CHIT1: variants seen among roughly 807,000 people sequenced by gnomAD.
CHIT1 encodes chitinase 1, also known as chitotriosidase-1.
CHIT1 carries 47 observed loss-of-function variants against 52.0 expected under a neutral mutation model. The ratio of observed to expected loss-of-function variants is 0.90; its 90% CI spans 0.71 to 1.15. The LOEUF is 1.15. CHIT1 is among the 50% of genes most tolerant of loss of function. The pLI, the probability that CHIT1 is intolerant of heterozygous loss-of-function variation, is 0.00. For synonymous variants in CHIT1, 242 were observed against 228.2 expected (o/e 1.06, Z -0.54); for missense variants, 569 against 583.0 (o/e 0.98, Z 0.25).
At chr1:203,228,223 AAC>A (rs769754808) in intron 2 of CHIT1, among the ~76,000 whole-genome samples, 5 of 152,194 alleles carry the variant, frequency 3.3e-5, no homozygotes, top group Non-Finnish European at 4.4e-5. Flanking sequence ...TGTACTGTAA[AAC>A]ACACAGGTGC....
At chr1:203,224,152 T>C (rs1656842845) in intron 4 of CHIT1, among the ~76,000 whole-genome samples, 1 of 152,220 alleles carries the variant, frequency 6.6e-6, no homozygotes, top group African/African-American at 2.4e-5. Context: ...CCTGGCAGGT[T>C]AACCTGGTCA....
intron 2 of CHIT1, among the ~76,000 whole-genome samples, chr1:203,226,498 C>A (rs1243588357): frequency 2.0e-5 from 3 of 152,198 alleles, no homozygotes; most frequent in African/African-American, 7.2e-5. Flanking sequence ...AGAGAGGAGG[C>A]CCCAGTTACA....
At chr1:203,217,669 A>T in intron 10 of CHIT1, 70 bp downstream of exon 10, 1 of 1,611,070 alleles carries the variant, frequency 6.2e-7, no homozygotes, top group East Asian at 2.2e-5. Context: ...CCTACAGTTC[A>T]TTGGATGCAT....
intron 2 of CHIT1, among the ~76,000 whole-genome samples, chr1:203,228,323 G>T (rs1657000932): frequency 6.6e-6 from 1 of 152,256 alleles, no homozygotes; most frequent in Non-Finnish European, 1.5e-5. Context: ...TGGCCCCACA[G>T]ATGTGCAGGA....
At chr1:203,229,747 C>A, upstream of CHIT1, 8 of 1,236,928 alleles carry the variant, frequency 6.5e-6, no homozygotes, top group African/African-American at 1.5e-5. Context: ...CAATCAGGGG[C>A]ACTGGGTGGG....
At chr1:203,219,632 A>G in intron 8 of CHIT1, 32 bp downstream of exon 8, 1 of 1,612,342 alleles carries the variant, frequency 6.2e-7, no homozygotes. Context: ...CCTGACCCTC[A>G]CAATACCCAG....
chr1:203,219,631 C>T, intron 8 of CHIT1, 33 bp downstream of exon 8: 1 of 1,612,380 alleles, frequency 6.2e-7, no homozygotes, highest in Non-Finnish European at 8.5e-7. Flanking sequence ...CCCTGACCCT[C>T]ACAATACCCA....
upstream of CHIT1, chr1:203,229,719 C>T (rs1657065599): frequency 6.5e-7 from 1 of 1,549,878 alleles, no homozygotes; most frequent in East Asian, 2.3e-5. Context: ...CCCTGTCCCA[C>T]CCCAGCCAGG....
intron 4 of CHIT1, among the ~76,000 whole-genome samples, chr1:203,224,580 T>A (rs547185275): frequency 6.6e-6 from 1 of 152,244 alleles, no homozygotes; most frequent in South Asian, 2.1e-4. Context: ...ATAAATCATT[T>A]AAAAAATGTC....
At position 203,217,750 on chromosome 1, in the gene CHIT1, C is replaced by T. The variant is rs139939985; in HGVS notation, c.1145G>A (p.Arg382Gln). 190 of 1,613,888 alleles carry T rather than the reference C, an allele frequency of 1.2e-4. 1 individual carries two copies. Among genetic ancestry groups the T allele is most frequent in the Non-Finnish European group, 1.4e-4 (164 of 1,179,882 alleles). ...GGCCCCTTACTTACTCAGTTCCTGC[C>T]GTAGCGTCTGGATGAGGGGGTATCG... is the stretch of plus-strand genomic sequence containing the variant. ...QGRYPLIQTL[R>Q]QELSLPYLPS... Residue 382 changes from arginine (R) to glutamine (Q), a missense_variant, in exon 10 of 11, where the codon CGG becomes CAG. Transcript: ENST00000367229.
At chr1:203,217,335 T>C in intron 10 of CHIT1, 2 of 1,521,384 alleles carry the variant, frequency 1.3e-6, no homozygotes, top group Non-Finnish European at 1.8e-6. Context: ...AGGCAACACC[T>C]GGCCTCACAT....
chr1:203,224,708 T>C (rs1656861043), intron 4 of CHIT1, among the ~76,000 whole-genome samples: 1 of 152,208 alleles, frequency 6.6e-6, no homozygotes, highest in Admixed American at 6.5e-5. Context: ...TCAGAAAACA[T>C]AGACACTGCA....
chr1:203,221,724 G>T (rs1403369405), intron 7 of CHIT1, among the ~76,000 whole-genome samples: 1 of 152,194 alleles, frequency 6.6e-6, no homozygotes, highest in African/African-American at 2.4e-5. Flanking sequence ...AACCAAGCCT[G>T]CCCTTTGCAG....
chr1:203,217,767 G>C lies in CHIT1; in HGVS notation c.1128C>G (p.Pro376=), dbSNP rs770891150. ...AGFSCNQGRY[P]LIQTLRQELS... ...GTTCCTGCCGTAGCGTCTGGATGAG[G>C]GGGTATCGGCCCTGGTTGCAGGAGA... is the stretch of plus-strand genomic sequence containing the variant. Residue 376 remains proline, a synonymous_variant, in exon 10 of 11, where the codon CCC becomes CCG. Coordinates refer to ENST00000367229, the MANE Select transcript of CHIT1 (RefSeq NM_003465.3). 1.9e-6 allele frequency: 3 copies of C among 1,613,936 alleles called. No homozygotes were observed. The Admixed American group carries it at 5.0e-5, about 27-fold the overall frequency.
Position 203,225,802 on chromosome 1 carries a change from G to A in CHIT1, c.124C>T (p.Leu42=). 1 of 1,614,210 alleles carries A rather than the reference G, an allele frequency of 6.2e-7. No homozygotes were observed. Among genetic ancestry groups the A allele is most frequent in the Non-Finnish European group, 8.5e-7 (1 of 1,180,024 alleles). The change falls in exon 3 of 11, where the codon CTG becomes TTG. Residue 42 remains leucine (L), a synonymous_variant. Transcript: ENST00000367229. The part of the protein sequence containing the change: ...AQYRQGEARF[L]PKDLDPSLCT... Reference sequence around the variant, plus strand: ...AGGCTGGGGTCCAAGTCCTTGGGCAGGAAGCGAGCCTCCCCCTGTCTGTAC... The same window carrying A: ...AGGCTGGGGTCCAAGTCCTTGGGCAAGAAGCGAGCCTCCCCCTGTCTGTAC...
At position 203,219,225 on chromosome 1, in the gene CHIT1, G is replaced by A. The variant is rs1322263744; in HGVS notation, c.1020C>T (p.Phe340=). The A allele has an allele frequency of 1.9e-6, 3 of 1,591,454 alleles. No individual in the cohort carries two copies. The highest frequency in any genetic ancestry group is 2.2e-5 in the South Asian group (2 of 90,672). ...CAGAGCTGGGCCTCACCTTGGTTTT[G>A]AAGCTCTCCACATCATCAAAGCCCA... ...QWVGFDDVES[F]KTKVSYLKQK... The change falls in exon 9 of 11, where the codon TTC becomes TTT. Residue 340 remains phenylalanine, a synonymous_variant. Coordinates refer to ENST00000367229, the MANE Select transcript of CHIT1 (RefSeq NM_003465.3).
Position 203,216,600 on chromosome 1 carries a change from T to A in CHIT1, c.*289A>T. 1 of 508,642 alleles carries A rather than the reference T, an allele frequency of 2.0e-6. No homozygotes were observed. Among genetic ancestry groups the A allele is most frequent in the Non-Finnish European group, 3.8e-6 (1 of 263,082 alleles). The allele number at this position is 508,642 out of a possible 1,614,324, so 31.5% of individuals were successfully genotyped here. A position where few individuals can be genotyped will look rare whatever the true frequency, so the allele number is the denominator to read the frequency against. On this transcript the variant is annotated 3_prime_UTR_variant, in exon 11 of 11. Transcript: ENST00000367229. ...TGCACGGACCACCTTCCCACCTGGC[T>A]CTGACCTGCGGATGTTTTGGAGTCA...
Position 203,217,108 on chromosome 1 carries a change from G to T in CHIT1, c.1182C>A (p.Thr394=). Residue 394 remains threonine (T), a synonymous_variant, in exon 11 of 11, where the codon ACC becomes ACA. Coordinates refer to ENST00000367229, the MANE Select transcript of CHIT1 (RefSeq NM_003465.3). ...CTGGTTTTGGAACTTCAAGCTCTGG[G>T]GTGCCTGAAGGCAAGTATGGAAGAC... ...ELSLPYLPSG[T]PELEVPKPGQ... 1 of 1,608,712 alleles carries T rather than the reference G, an allele frequency of 6.2e-7. No homozygotes were observed. Among genetic ancestry groups the T allele is most frequent in the Non-Finnish European group, 8.5e-7 (1 of 1,180,004 alleles).
rs747474187 is a variant in CHIT1 at position 203,219,801 on chromosome 1, G to A, written c.778C>T (p.Leu260=). Residue 260 remains leucine, a synonymous_variant, in exon 8 of 11, where the codon CTG becomes TTG. Transcript: ENST00000367229. The part of the protein sequence containing the change: ...WLQKGTPASK[L]ILGMPTYGRS... ...CCGTAGGTAGGCATGCCAAGGATCA[G>A]CTTGCTGGCAGGGGTCCCCTTCTGC... 6.2e-7 allele frequency: 1 copy of A among 1,612,792 alleles called. No individual in the cohort carries two copies. The highest frequency in any genetic ancestry group is 1.1e-5 in the South Asian group (1 of 91,022).
Sources: allele counts gnomAD v4.1 joint callset (sites outside exome capture counted in the v4.1 genomes callset), GRCh38; gene constraint gnomAD v4.1.1; transcripts MANE v1.5; gene names NCBI Gene and HGNC (gene_info 2026-07-23, HGNC 2026-07-21).